The following UXS1 variants were observed in gnomAD, a reference collection of about 807,000 sequenced individuals.
UXS1 encodes the protein UDP-glucuronic acid decarboxylase 1.
UXS1 carries 33 observed loss-of-function variants against 62.6 expected under a neutral mutation model. The observed-to-expected ratio is 0.53, with a 90% CI of 0.40 to 0.70. The LOEUF (loss-of-function observed/expected upper bound fraction) is 0.70, where lower values mean the gene tolerates loss of function less well. Ranked by LOEUF, UXS1 falls within the 30% of genes least tolerant of loss-of-function variation. UXS1 has a pLI of 0.00. For synonymous variants in UXS1, 213 were observed against 206.8 expected (o/e 1.03, Z -0.26); for missense variants, 434 against 556.3 (o/e 0.78, Z 2.21).
intron 13 of UXS1, chr2:106,097,238 G>A (rs1188808320): frequency 4.4e-6 from 2 of 457,346 alleles, no homozygotes; most frequent in South Asian, 3.1e-5. Context: ...CCCCAAGTGG[G>A]CCATACCTGG....
chr2:106,107,802 C>T lies in UXS1; in HGVS notation c.880-2965G>A, dbSNP rs539736742. Among the ~76,000 whole-genome samples, 14 of 152,324 alleles carry T rather than the reference C, an allele frequency of 9.2e-5. No individual in the cohort carries two copies. The South Asian group carries it at 1.2e-3, about 14-fold the overall frequency. Reference sequence around the variant, plus strand: ...GGGCAGCTCCCCACCCAGCCAGCACCGACACAAGGTTCATCTGCAGGCACC... The same window carrying T: ...GGGCAGCTCCCCACCCAGCCAGCACTGACACAAGGTTCATCTGCAGGCACC... On this transcript the variant is annotated intron_variant, in intron 10 of 14. Transcript: ENST00000283148.
At chr2:106,118,469 G>A (rs1558692811) in intron 9 of UXS1, among the ~76,000 whole-genome samples, 1 of 152,148 alleles carries the variant, frequency 6.6e-6, no homozygotes, top group African/African-American at 2.4e-5. Flanking sequence ...GAACTCAAAT[G>A]CACACTAAGC....
intron 7 of UXS1, among the ~76,000 whole-genome samples, 161 bp downstream of exon 7, chr2:106,129,513 C>G (rs1429883094): frequency 1.3e-5 from 2 of 152,196 alleles, no homozygotes; most frequent in Non-Finnish European, 2.9e-5. Context: ...AAAAGTCACA[C>G]TGAAATAACA....
intron 4 of UXS1, among the ~76,000 whole-genome samples, chr2:106,161,478 A>ATGATACG: frequency 6.6e-6 from 1 of 151,784 alleles, no homozygotes; most frequent in East Asian, 1.9e-4. Context: ...CTTTCCATTA[A>ATGATACG]GCTCCGTTCT....
rs529941036 is a variant in UXS1 at position 106,114,789 on chromosome 2, T to C, written c.760-2024A>G. 2.6e-5 allele frequency among the ~76,000 whole-genome samples: 4 copies of C among 152,292 alleles called. No homozygotes were observed. In the East Asian group the frequency reaches 5.8e-4, roughly 22 times the overall value. ...CCCTTCTATACAGGTGCAACAGCCG[T>C]TGAGTGCAACAACACTTCCAAGAAC... On this transcript the variant is annotated intron_variant, in intron 9 of 14. Transcript: ENST00000283148.
rs1277749687 is a variant in UXS1 at position 106,123,227 on chromosome 2, C to G, written c.638-136G>C. On this transcript the variant is annotated intron_variant, in intron 8 of 14. Transcript: ENST00000283148. ...GAGAGATGTATTAAAGAGGCAACCT[C>G]AGGTTTCCAGTCCATTCTCTTGAGT... 8 of 1,213,742 alleles carry G rather than the reference C, an allele frequency of 6.6e-6. No homozygotes were observed. In the Admixed American group the frequency reaches 7.9e-5, roughly 12 times the overall value. The allele number at this position is 1,213,742 out of a possible 1,614,324, so 75.2% of individuals were successfully genotyped here. A position where few individuals can be genotyped will look rare whatever the true frequency, so the allele number is the denominator to read the frequency against.
At chr2:106,110,568 C>T (rs770369071) in intron 10 of UXS1, among the ~76,000 whole-genome samples, 11 of 152,126 alleles carry the variant, frequency 7.2e-5, no homozygotes, top group Non-Finnish European at 1.5e-4. Context: ...TCGCAGGTCA[C>T]GGCACGAGCT....
In UXS1 at chr2:106,129,774, G is replaced by C. The variant is rs1325193150; in HGVS notation, c.477C>G (p.Asp159Glu). Residue 159 changes from aspartate to glutamate, a missense_variant, in exon 7 of 15, where the codon GAC becomes GAG. Physicochemically the swap from Asp to Glu is conservative, Grantham distance 45. Transcript: ENST00000283148. ...CTGGAGATGCCAGATGGTATATCTG[G>C]TCAACTAAAGGAGACAAAACAGAAG... ...DVVEPLYIEV[D>E]QIYHLASPAS... 3 of 1,601,548 alleles carry C rather than the reference G, an allele frequency of 1.9e-6. No individual in the cohort carries two copies. Among genetic ancestry groups the C allele is most frequent in the Non-Finnish European group, 1.7e-6 (2 of 1,172,910 alleles).
intron 5 of UXS1, among the ~76,000 whole-genome samples, chr2:106,149,127 T>C (rs1681815140): frequency 1.3e-5 from 2 of 152,250 alleles, no homozygotes; most frequent in South Asian, 4.1e-4. Context: ...AGCAACAATA[T>C]ACCAGACTCA....
chr2:106,170,559 C>G (rs1683492814), intron 1 of UXS1, among the ~76,000 whole-genome samples: 1 of 152,212 alleles, frequency 6.6e-6, no homozygotes, highest in Non-Finnish European at 1.5e-5. Flanking sequence ...ACCAATTAAT[C>G]TTTACAATGT....
intron 9 of UXS1, among the ~76,000 whole-genome samples, chr2:106,122,110 C>G (rs1679568540): frequency 6.6e-6 from 1 of 152,244 alleles, no homozygotes; most frequent in Non-Finnish European, 1.5e-5. Flanking sequence ...CTGGGCCTGA[C>G]AGCATTGCTC....
At chr2:106,163,588 G>A in intron 4 of UXS1, 79 bp downstream of exon 4, 1 of 919,304 alleles carries the variant, frequency 1.1e-6, no homozygotes, top group Middle Eastern at 2.2e-4. Flanking sequence ...GCAGAGTTTG[G>A]AGCAAACAAA....
chr2:106,187,649 T>C (rs1684648192), intron 1 of UXS1, among the ~76,000 whole-genome samples: 1 of 152,168 alleles, frequency 6.6e-6, no homozygotes, highest in South Asian at 2.1e-4. Context: ...GAAAGAAAGG[T>C]ACCACAACTA....
intron 11 of UXS1, among the ~76,000 whole-genome samples, chr2:106,103,495 T>C (rs1370152869): frequency 6.6e-6 from 1 of 152,162 alleles, no homozygotes; most frequent in Non-Finnish European, 1.5e-5. Flanking sequence ...CGGTACTCAA[T>C]CCAAGGGAGG....
intron 14 of UXS1, 24 bp downstream of exon 14, chr2:106,096,694 G>A: frequency 6.5e-7 from 1 of 1,536,358 alleles, no homozygotes; most frequent in Non-Finnish European, 8.8e-7. Context: ...TCCCCACAAG[G>A]CAGCATTAAC....
chr2:106,163,649 G>A lies in UXS1; in HGVS notation c.230+18C>T. 5 of 1,457,030 alleles carry A rather than the reference G, an allele frequency of 3.4e-6. No individual in the cohort carries two copies. Among genetic ancestry groups the A allele is most frequent in the Non-Finnish European group, 4.6e-6 (5 of 1,095,922 alleles). The allele number at this position is 1,457,030 out of a possible 1,614,324, so 90.3% of individuals were successfully genotyped here. A position where few individuals can be genotyped will look rare whatever the true frequency, so the allele number is the denominator to read the frequency against. ...AACTTATTTTAACTATTGACTTTAA[G>A]ACAAAAAGTACACATACCTTTTTTC... is the stretch of plus-strand genomic sequence containing the variant. On this transcript the variant is annotated intron_variant, in intron 4 of 14. Transcript: ENST00000283148.
intron 1 of UXS1, among the ~76,000 whole-genome samples, chr2:106,185,195 C>T (rs908470762): frequency 3.9e-5 from 6 of 152,180 alleles, no homozygotes; most frequent in Admixed American, 1.3e-4. Context: ...CAACTCAATG[C>T]CCCAGGTCTT....
At chr2:106,177,070 C>G (rs1296251050) in intron 1 of UXS1, among the ~76,000 whole-genome samples, 1 of 152,138 alleles carries the variant, frequency 6.6e-6, no homozygotes, top group Non-Finnish European at 1.5e-5. Context: ...TAGATGATAT[C>G]TGCACCTTTT....
rs1683113351 is a variant in UXS1, at chr2:106,164,815, C to T, written c.123-16G>A. 3 of 1,561,950 alleles carry T rather than the reference C, an allele frequency of 1.9e-6. No individual in the cohort carries two copies. The highest frequency in any genetic ancestry group is 1.7e-6 in the Non-Finnish European group (2 of 1,154,870). On this transcript the variant is annotated splice_polypyrimidine_tract_variant and intron_variant, in intron 2 of 14. Coordinates refer to ENST00000283148, the MANE Select transcript of UXS1 (RefSeq NM_001253875.2). Reference sequence around the variant, plus strand: ...GAGTAGAAAGCTATAAAACTGAGATCAACTGAAAGGCTTTGTGACTTTAAG... The same window carrying T: ...GAGTAGAAAGCTATAAAACTGAGATTAACTGAAAGGCTTTGTGACTTTAAG...
Sources: allele counts gnomAD v4.1 joint callset (sites outside exome capture counted in the v4.1 genomes callset), GRCh38; gene constraint gnomAD v4.1.1; transcripts MANE v1.5; gene names NCBI Gene and HGNC (gene_info 2026-07-23, HGNC 2026-07-21).